The following ADAMTSL1 variants were observed in gnomAD, a reference collection of about 807,000 sequenced individuals.
The protein encoded by ADAMTSL1 is ADAMTS like 1, also known as ADAMTS-like protein 1.
A neutral mutation model predicts 201.8 loss-of-function variants in ADAMTSL1; 126 were observed. The observed-to-expected ratio is 0.62, with a 90% CI of 0.54 to 0.72. ADAMTSL1 has a LOEUF of 0.72. ADAMTSL1 is among the 30% of genes least tolerant of loss of function. The pLI is 0.00. For missense variants in ADAMTSL1, 2,679 were observed against 2,277.8 expected (o/e 1.18, Z -3.59); for synonymous variants, 1,121 against 903.4 (o/e 1.24, Z -4.32).
chr9:18,545,695 A>G (rs1476869445), intron 3 of ADAMTSL1, among the ~76,000 whole-genome samples: 2 of 152,154 alleles, frequency 1.3e-5, no homozygotes, highest in African/African-American at 4.8e-5. Context: ...TACTTTCTCA[A>G]GTCCTAGTTT....
chr9:18,253,170 A>G (rs1185915216), intron 2 of ADAMTSL1, among the ~76,000 whole-genome samples: 2 of 152,164 alleles, frequency 1.3e-5, no homozygotes, highest in Non-Finnish European at 2.9e-5. Flanking sequence ...TCATTTCTAA[A>G]CCAAATAAAA....
intron 28 of ADAMTSL1, chr9:18,907,925 T>C (rs1563911054): frequency 5.6e-6 from 1 of 177,304 alleles, no homozygotes; most frequent in Non-Finnish European, 1.2e-5. Context: ...CACATGAAAA[T>C]AAAGCTTAAC....
intron 25 of ADAMTSL1, among the ~76,000 whole-genome samples, chr9:18,891,143 C>T (rs1331771622): frequency 6.6e-6 from 1 of 152,230 alleles, no homozygotes; most frequent in Non-Finnish European, 1.5e-5. Flanking sequence ...TTCCCTGCTA[C>T]ATGCCTCTCC....
At position 18,783,769 on chromosome 9, in the gene ADAMTSL1, G is replaced by C. The variant is rs143377840; in HGVS notation, c.3677+5863G>C. Reference sequence around the variant, plus strand: ...AGAATGACTTTTACATTTTTAAAAGGTTATTAAAAACAAACAAAAAATTAT... The same window carrying C: ...AGAATGACTTTTACATTTTTAAAAGCTTATTAAAAACAAACAAAAAATTAT... On this transcript the variant is annotated intron_variant, in intron 19 of 28. Transcript: ENST00000380548. Among the ~76,000 whole-genome samples the C allele has an allele frequency of 5.1e-3, 775 of 152,232 alleles. 3 individuals carry two copies. Among genetic ancestry groups the C allele is most frequent in the South Asian group, 0.025 (122 of 4,820 alleles).
intron 20 of ADAMTSL1, among the ~76,000 whole-genome samples, chr9:18,816,732 T>G (rs1823873972): frequency 6.8e-6 from 1 of 147,852 alleles, no homozygotes; most frequent in African/African-American, 2.5e-5. Flanking sequence ...TTTTTTTTTT[T>G]TTTTTTTTTT....
intron 1 of ADAMTSL1, among the ~76,000 whole-genome samples, chr9:18,483,080 G>A (rs765986294): frequency 2.4e-4 from 36 of 152,176 alleles, no homozygotes; most frequent in Admixed American, 9.2e-4. Flanking sequence ...TGATGCATGC[G>A]GAATGTGACC....
At chr9:18,500,788 T>C (rs1198742076) in intron 1 of ADAMTSL1, among the ~76,000 whole-genome samples, 2 of 152,216 alleles carry the variant, frequency 1.3e-5, no homozygotes, top group Non-Finnish European at 2.9e-5. Context: ...CTCTAGACTT[T>C]TTATGATACA....
At chr9:18,643,985 A>G (rs1348073287) in intron 7 of ADAMTSL1, among the ~76,000 whole-genome samples, 1 of 151,968 alleles carries the variant, frequency 6.6e-6, no homozygotes, top group Non-Finnish European at 1.5e-5. Flanking sequence ...CGGACATTTA[A>G]CAATATAAAT....
At chr9:17,988,940 T>C (rs1388240359) in intron 1 of ADAMTSL1, among the ~76,000 whole-genome samples, 1 of 151,932 alleles carries the variant, frequency 6.6e-6, no homozygotes, top group Non-Finnish European at 1.5e-5. Context: ...GCTCTCCCTT[T>C]CCCATGCATG....
At chr9:18,563,794 G>T (rs1821698291) in intron 3 of ADAMTSL1, among the ~76,000 whole-genome samples, 1 of 152,170 alleles carries the variant, frequency 6.6e-6, no homozygotes, top group African/African-American at 2.4e-5. Flanking sequence ...AAACCTCCGG[G>T]GGCTTTGTTT....
At chr9:18,605,501 TA>T (rs891761730) in intron 4 of ADAMTSL1, among the ~76,000 whole-genome samples, 1 of 152,212 alleles carries the variant, frequency 6.6e-6, no homozygotes, top group Non-Finnish European at 1.5e-5. Context: ...CTACACATTT[TA>T]AGGCAAGAGC....
intron 2 of ADAMTSL1, among the ~76,000 whole-genome samples, chr9:18,239,103 C>A (rs762657031): frequency 6.6e-5 from 10 of 152,194 alleles, no homozygotes; most frequent in Non-Finnish European, 1.5e-5. Flanking sequence ...TCTGAGGCTT[C>A]AGTGAGTCTT....
intron 1 of ADAMTSL1, among the ~76,000 whole-genome samples, chr9:17,985,055 A>T (rs565720864): frequency 2.8e-4 from 42 of 152,204 alleles, no homozygotes; most frequent in African/African-American, 1.0e-3. Flanking sequence ...CTGTATTTTA[A>T]AATAGGAAGA....
intron 20 of ADAMTSL1, among the ~76,000 whole-genome samples, chr9:18,800,161 G>A (rs1170690710): frequency 6.6e-6 from 1 of 152,102 alleles, no homozygotes; most frequent in South Asian, 2.1e-4. Flanking sequence ...CAGATGGCCT[G>A]AAGTCAGGAG....
At chr9:17,976,273 A>G (rs1198519331) in intron 1 of ADAMTSL1, among the ~76,000 whole-genome samples, 1 of 151,982 alleles carries the variant, frequency 6.6e-6, no homozygotes, top group East Asian at 1.9e-4. Flanking sequence ...AGCCAGTGAG[A>G]TTTTGATAGA....
At chr9:18,156,637 T>TACACACACACAC (rs56324477) in intron 1 of ADAMTSL1, among the ~76,000 whole-genome samples, 9 of 150,338 alleles carry the variant, frequency 6.0e-5, no homozygotes, top group African/African-American at 2.0e-4. Context: ...CATAAACACA[T>TACACACACACAC]ACACACACAC....
chr9:18,333,424 T>A (rs1180154458), intron 2 of ADAMTSL1, among the ~76,000 whole-genome samples: 2 of 152,136 alleles, frequency 1.3e-5, no homozygotes, highest in Non-Finnish European at 2.9e-5. Flanking sequence ...ACTATGATTG[T>A]AAGTTTCCTG....
chr9:17,997,069 G>T (rs1819411701), intron 1 of ADAMTSL1, among the ~76,000 whole-genome samples: 1 of 152,106 alleles, frequency 6.6e-6, no homozygotes, highest in African/African-American at 2.4e-5. Context: ...AGCAGTCTCA[G>T]GGCAGTTCTG....
chr9:18,260,947 T>G (rs191603294), intron 2 of ADAMTSL1, among the ~76,000 whole-genome samples: 43 of 152,152 alleles, frequency 2.8e-4, no homozygotes, highest in African/African-American at 9.9e-4. Flanking sequence ...CTCTATATAT[T>G]TAGCAAGTTG....
Sources: gnomAD v4.1 joint callset for allele counts (sites outside exome capture counted in the v4.1 genomes callset) on GRCh38, gnomAD v4.1.1 for gene constraint, MANE v1.5 for transcripts, NCBI Gene and HGNC (gene_info 2026-07-23, HGNC 2026-07-21) for gene names.